The following AP2B1 variants were observed in gnomAD, a reference collection of about 807,000 sequenced individuals.
AP2B1 encodes the protein adaptor related protein complex 2 subunit beta 1, also known as AP-2 complex subunit beta.
In AP2B1, 23 loss-of-function variants were observed where a neutral mutation model predicts 102.0. That is an observed-to-expected ratio of 0.23 (90% CI 0.16 to 0.32). AP2B1 has a LOEUF of 0.32. Among genes scored for constraint, AP2B1 ranks in the 10% least tolerant of loss-of-function variants. The pLI is 1.00. For synonymous variants in AP2B1, 381 were observed against 421.2 expected (o/e 0.90, Z 1.17); for missense variants, 541 against 1,157.4 (o/e 0.47, Z 7.73).
chr17:35,721,705 AC>A (rs2085399199), intron 21 of AP2B1, among the ~76,000 whole-genome samples: 1 of 152,340 alleles, frequency 6.6e-6, no homozygotes, highest in Admixed American at 6.5e-5. Context: ...CTAGTTGTAA[AC>A]ATAAAAATGA....
intron 3 of AP2B1, among the ~76,000 whole-genome samples, chr17:35,604,020 G>A (rs1331471141): frequency 1.3e-5 from 2 of 152,056 alleles, no homozygotes; most frequent in African/African-American, 4.8e-5. Context: ...GATCTTCCAC[G>A]AATGGATTAT....
rs985813281 is a variant in AP2B1 at position 35,657,587 on chromosome 17, A to T, written c.1797-12A>T. 4 of 1,605,970 alleles carry T rather than the reference A, an allele frequency of 2.5e-6. No homozygotes were observed. The highest frequency in any genetic ancestry group is 1.3e-5 in the African/African-American group (1 of 74,710). On this transcript the variant is annotated splice_polypyrimidine_tract_variant and intron_variant, in intron 13 of 21. Coordinates refer to ENST00000610402, the MANE Select transcript of AP2B1 (RefSeq NM_001030006.2). ...TTTCTCTTTTCTCCATTTTATGTGT[A>T]TGTGACTTTAGCACTGATGCAGGTG...
At chr17:35,689,161 T>C (rs2075993501) in intron 18 of AP2B1, among the ~76,000 whole-genome samples, 1 of 152,170 alleles carries the variant, frequency 6.6e-6, no homozygotes, top group African/African-American at 2.4e-5. Context: ...TCACTTAATC[T>C]GTAAGTATTT....
intron 1 of AP2B1, among the ~76,000 whole-genome samples, chr17:35,592,555 T>A (rs951216623): frequency 4.6e-5 from 7 of 151,896 alleles, no homozygotes; most frequent in Non-Finnish European, 8.8e-5. Flanking sequence ...ATTTATTTAT[T>A]TATTTGAGAT....
chr17:35,693,009 C>T (rs587686788), intron 18 of AP2B1, among the ~76,000 whole-genome samples: 101 of 114,342 alleles, frequency 8.8e-4, no homozygotes, highest in African/African-American at 3.3e-3. Flanking sequence ...TTCTTTGGCG[C>T]GGGGCGGTGG....
intron 18 of AP2B1, among the ~76,000 whole-genome samples, chr17:35,684,270 AAG>A (rs1047196680): frequency 6.6e-6 from 1 of 152,178 alleles, no homozygotes; most frequent in African/African-American, 2.4e-5. Context: ...CACCCCCACT[AAG>A]AGCTTAAGAT....
At chr17:35,685,836 C>T (rs2075919153) in intron 18 of AP2B1, among the ~76,000 whole-genome samples, 1 of 151,918 alleles carries the variant, frequency 6.6e-6, no homozygotes, top group Non-Finnish European at 1.5e-5. Context: ...AATCTTGGCT[C>T]ACTGCAACCT....
At position 35,605,697 on chromosome 17, in the gene AP2B1, CTT is replaced by C. The variant is rs1263622786; in HGVS notation, c.144-7_144-6del. 4.4e-6 allele frequency: 7 copies of C among 1,602,314 alleles called. No homozygotes were observed. The highest frequency in any genetic ancestry group is 6.0e-6 in the Non-Finnish European group (7 of 1,173,024). On this transcript the variant is annotated splice_region_variant and splice_polypyrimidine_tract_variant and intron_variant, in intron 3 of 21. Coordinates refer to ENST00000610402, the MANE Select transcript of AP2B1 (RefSeq NM_001030006.2). ...ACTTTCCTTTTCTCTTTTACCCTCTCTTCTCAGTTCTCTCTTTCCAGACGTAG... is the reference window on the plus strand; with the variant it reads ...ACTTTCCTTTTCTCTTTTACCCTCTCCTCAGTTCTCTCTTTCCAGACGTAG...
At chr17:35,680,695 T>C (rs1180043967) in intron 17 of AP2B1, among the ~76,000 whole-genome samples, 1 of 99,154 alleles carries the variant, frequency 1.0e-5, no homozygotes. Context: ...GGTTTTTTTT[T>C]TTTTGTTTTT....
At chr17:35,706,308 C>A (rs1486975077) in intron 18 of AP2B1, among the ~76,000 whole-genome samples, 2 of 152,180 alleles carry the variant, frequency 1.3e-5, no homozygotes, top group African/African-American at 4.8e-5. Flanking sequence ...CATAAGGATT[C>A]TTTTGGAAGA....
chr17:35,610,923 A>AT, intron 5 of AP2B1, among the ~76,000 whole-genome samples: 1 of 148,688 alleles, frequency 6.7e-6, no homozygotes. Context: ...AAAAAAAAAA[A>AT]ATTTTGTTGG....
intron 18 of AP2B1, among the ~76,000 whole-genome samples, chr17:35,690,716 T>G (rs1030738358): frequency 1.3e-5 from 2 of 152,236 alleles, no homozygotes; most frequent in Non-Finnish European, 2.9e-5. Flanking sequence ...CTAATCCATC[T>G]GTTTTCCAGG....
At chr17:35,588,591 TTAG>T (rs1416013906) in intron 1 of AP2B1, 1 of 152,232 alleles carries the variant, frequency 6.6e-6, no homozygotes, top group Non-Finnish European at 1.5e-5. Context: ...ATTTAAATGA[TTAG>T]TTACCTTCCT....
At chr17:35,662,555 ACT>A (rs2075382179) in intron 14 of AP2B1, among the ~76,000 whole-genome samples, 1 of 113,960 alleles carries the variant, frequency 8.8e-6, no homozygotes, top group Non-Finnish European at 1.8e-5. Flanking sequence ...TTTTTTTATG[ACT>A]CTGGTACTTA....
In AP2B1 at chr17:35,711,586, A is replaced by G. The variant is rs370373897; in HGVS notation, c.2626+1266A>G. ...CGGGTTCATGCCATTCTCCTGCCTC[A>G]GCCTCCAGAGTAGCTGGGACTACAG... On this transcript the variant is annotated intron_variant, in intron 20 of 21. Coordinates refer to ENST00000610402, the MANE Select transcript of AP2B1 (RefSeq NM_001030006.2). Among the ~76,000 whole-genome samples the G allele has an allele frequency of 2.1e-4, 32 of 152,142 alleles. 1 individual carries two copies. In the South Asian group the frequency reaches 6.7e-3, roughly 32 times the overall value.
intron 6 of AP2B1, among the ~76,000 whole-genome samples, chr17:35,626,217 T>C (rs2074311471): frequency 6.6e-6 from 1 of 152,212 alleles, no homozygotes; most frequent in Admixed American, 6.5e-5. Flanking sequence ...TCCTATGAAA[T>C]AACTCTCAGA....
chr17:35,598,320 T>TG lies in AP2B1; in HGVS notation c.132dup (p.Lys45GlufsTer4). The TG allele has an allele frequency of 6.2e-7, 1 of 1,609,870 alleles. No individual in the cohort carries two copies. The highest frequency in any genetic ancestry group is 8.5e-7 in the Non-Finnish European group (1 of 1,176,922). ...AAGAAAGTGATTGCTGCTATGACCG[T>TG]GGGGAAGGATGTTAGGTAAGAGTAA... On this transcript the variant is annotated frameshift_variant, in exon 3 of 22. Transcript: ENST00000610402. LOFTEE classifies it high-confidence loss of function.
chr17:35,604,269 G>A (rs1421965360), intron 3 of AP2B1, among the ~76,000 whole-genome samples: 2 of 151,958 alleles, frequency 1.3e-5, no homozygotes, highest in Non-Finnish European at 1.5e-5. Context: ...CACCATGCCT[G>A]GCTAATTTTT....
At chr17:35,598,155 G>C (rs1016149010) in intron 2 of AP2B1, 75 bp from the exon 3 acceptor site, 2 of 684,478 alleles carry the variant, frequency 2.9e-6, no homozygotes, top group Non-Finnish European at 4.8e-6. Flanking sequence ...CCTGGTATTG[G>C]TTATTACATA....
Sources: allele counts gnomAD v4.1 joint callset (sites outside exome capture counted in the v4.1 genomes callset), GRCh38; gene constraint gnomAD v4.1.1; transcripts MANE v1.5; gene names NCBI Gene and HGNC (gene_info 2026-07-23, HGNC 2026-07-21).